The following PBX1 variants were observed in gnomAD, a reference collection of about 807,000 sequenced individuals.
PBX1 encodes PBX homeobox 1, also known as pre-B-cell leukemia transcription factor 1.
In PBX1, 6 loss-of-function variants were observed where a neutral mutation model predicts 53.4. The observed-to-expected ratio is 0.11, with a 90% CI of 0.06 to 0.22. The LOEUF is 0.22. Ranked by LOEUF, PBX1 falls within the 10% of genes least tolerant of loss-of-function variation. PBX1 has a pLI of 1.00. For missense variants in PBX1, 251 were observed against 551.4 expected (o/e 0.46, Z 5.46); for synonymous variants, 204 against 212.3 (o/e 0.96, Z 0.34).
intron 2 of PBX1, among the ~76,000 whole-genome samples, chr1:164,713,565 A>G (rs1490301499): frequency 2.6e-5 from 4 of 151,704 alleles, no homozygotes; most frequent in Admixed American, 1.3e-4. Context: ...CCTTCCTTCC[A>G]TCCTCTCCTT....
intron 2 of PBX1, among the ~76,000 whole-genome samples, chr1:164,636,021 C>G (rs1658753673): frequency 6.6e-6 from 1 of 152,104 alleles, no homozygotes; most frequent in Non-Finnish European, 1.5e-5. Flanking sequence ...TTTGATCAGC[C>G]AACAATGGGC....
chr1:164,653,070 T>C (rs1659932934), intron 2 of PBX1, among the ~76,000 whole-genome samples: 1 of 152,012 alleles, frequency 6.6e-6, no homozygotes, highest in African/African-American at 2.4e-5. Flanking sequence ...TTTTGCCATG[T>C]TGGCCAGGGT....
chr1:164,633,533 G>T (rs1658549157), intron 2 of PBX1, among the ~76,000 whole-genome samples: 1 of 152,090 alleles, frequency 6.6e-6, no homozygotes, highest in African/African-American at 2.4e-5. Context: ...TTATTATTTG[G>T]GGTCTCAGTA....
chr1:164,741,995 C>T (rs1007566655), intron 2 of PBX1, among the ~76,000 whole-genome samples: 5 of 151,800 alleles, frequency 3.3e-5, no homozygotes, highest in Non-Finnish European at 7.4e-5. Flanking sequence ...AAAAGAAAAG[C>T]TGAGAGTCGT....
At chr1:164,722,050 CT>C (rs962646633) in intron 2 of PBX1, among the ~76,000 whole-genome samples, 3 of 152,196 alleles carry the variant, frequency 2.0e-5, no homozygotes, top group Admixed American at 6.5e-5. Context: ...ATCTTACCCC[CT>C]GACCGACTCT....
At chr1:164,633,807 A>G (rs887054658) in intron 2 of PBX1, among the ~76,000 whole-genome samples, 46 of 152,194 alleles carry the variant, frequency 3.0e-4, no homozygotes, top group African/African-American at 1.1e-3. Flanking sequence ...AGTAGTATCT[A>G]CTTCATAGGT....
intron 2 of PBX1, among the ~76,000 whole-genome samples, chr1:164,596,957 G>A (rs1387134778): frequency 6.6e-6 from 1 of 152,040 alleles, no homozygotes; most frequent in Non-Finnish European, 1.5e-5. Context: ...CAGGTAAGTG[G>A]TACAGCGTGG....
At chr1:164,647,592 T>C (rs1489638335) in intron 2 of PBX1, among the ~76,000 whole-genome samples, 1 of 152,154 alleles carries the variant, frequency 6.6e-6, no homozygotes, top group Non-Finnish European at 1.5e-5. Context: ...GCCAAGTTGT[T>C]ACGGCAATAA....
intron 2 of PBX1, among the ~76,000 whole-genome samples, chr1:164,676,814 G>C (rs1267783941): frequency 1.3e-5 from 2 of 152,142 alleles, no homozygotes; most frequent in Non-Finnish European, 2.9e-5. Context: ...GAGCCCTGAG[G>C]GGGCTCAGGT....
chr1:164,681,706 G>GA (rs1286290350), intron 2 of PBX1, among the ~76,000 whole-genome samples: 1 of 152,272 alleles, frequency 6.6e-6, no homozygotes, highest in South Asian at 2.1e-4. Context: ...AGTGAGGACT[G>GA]AAAAACTACC....
At chr1:164,748,630 C>T (rs1278179021) in intron 2 of PBX1, among the ~76,000 whole-genome samples, 13 of 152,180 alleles carry the variant, frequency 8.5e-5, no homozygotes, top group Non-Finnish European at 1.8e-4. Context: ...TTTCAAATCT[C>T]ACAGCAGAAA....
intron 2 of PBX1, among the ~76,000 whole-genome samples, chr1:164,646,864 G>A (rs1166306048): frequency 2.0e-5 from 3 of 152,234 alleles, no homozygotes; most frequent in Non-Finnish European, 4.4e-5. Flanking sequence ...ATGTGTAGTG[G>A]AATGCCATTG....
intron 2 of PBX1, among the ~76,000 whole-genome samples, chr1:164,622,130 T>G (rs1657719375): frequency 6.6e-6 from 1 of 152,166 alleles, no homozygotes; most frequent in Admixed American, 6.5e-5. Flanking sequence ...TCTTTCCGTG[T>G]GGGCCCAGGA....
Position 164,832,771 on chromosome 1 carries a change from A to C in PBX1, c.1200+11145A>C, listed in dbSNP as rs570424639. Among the ~76,000 whole-genome samples, 34 of 152,298 alleles carry C rather than the reference A, an allele frequency of 2.2e-4. 2 individuals carry two copies. The South Asian group carries it at 5.2e-3, about 23-fold the overall frequency. Reference sequence around the variant, plus strand: ...AGAATAAAATTGGCAGGAGAGTGATAAAATTGCATGTAAATTGCAAAATGA... The same window carrying C: ...AGAATAAAATTGGCAGGAGAGTGATCAAATTGCATGTAAATTGCAAAATGA... On this transcript the variant is annotated intron_variant, in intron 8 of 8. Transcript: ENST00000420696.
chr1:164,828,264 G>T (rs766300859), intron 8 of PBX1, among the ~76,000 whole-genome samples: 10 of 151,722 alleles, frequency 6.6e-5, no homozygotes, highest in Non-Finnish European at 1.3e-4. Context: ...GTGTGTGTTT[G>T]TGTATGCGTG....
intron 2 of PBX1, among the ~76,000 whole-genome samples, chr1:164,723,695 A>C (rs1468302782): frequency 6.6e-6 from 1 of 152,188 alleles, no homozygotes; most frequent in African/African-American, 2.4e-5. Flanking sequence ...CTCTGTTGCT[A>C]TGCGCCGGAA....
chr1:164,655,301 C>T (rs571317283), intron 2 of PBX1, among the ~76,000 whole-genome samples: 55 of 152,000 alleles, frequency 3.6e-4, no homozygotes, highest in Non-Finnish European at 5.7e-4. Flanking sequence ...TTAGTAGAGA[C>T]GGGGTTTCTC....
chr1:164,589,685 G>A (rs1655223542), intron 2 of PBX1, among the ~76,000 whole-genome samples: 1 of 152,134 alleles, frequency 6.6e-6, no homozygotes, highest in Admixed American at 6.6e-5. Context: ...GGTATTTAGG[G>A]TGGAGGAGAT....
At chr1:164,614,452 T>C (rs972813526) in intron 2 of PBX1, among the ~76,000 whole-genome samples, 2 of 152,140 alleles carry the variant, frequency 1.3e-5, no homozygotes, top group Admixed American at 6.5e-5. Flanking sequence ...ACCTATCTTA[T>C]TCGTTTCCTC....
Sources: gnomAD v4.1 joint callset for allele counts (sites outside exome capture counted in the v4.1 genomes callset) on GRCh38, gnomAD v4.1.1 for gene constraint, MANE v1.5 for transcripts, NCBI Gene and HGNC (gene_info 2026-07-23, HGNC 2026-07-21) for gene names.